The following DYNC2H1 variants were observed in gnomAD, a reference collection of about 807,000 sequenced individuals.
DYNC2H1 encodes the protein dynein cytoplasmic 2 heavy chain 1.
A neutral mutation model predicts 570.0 loss-of-function variants in DYNC2H1; 410 were observed. The ratio of observed to expected loss-of-function variants is 0.72; its 90% CI spans 0.66 to 0.78. The LOEUF (loss-of-function observed/expected upper bound fraction) is 0.78. DYNC2H1 is among the 30% of genes least tolerant of loss of function. DYNC2H1 has a pLI of 0.00. For missense variants in DYNC2H1, 4,865 were observed against 5,046.4 expected (o/e 0.96, Z 1.09); for synonymous variants, 1,688 against 1,677.6 (o/e 1.01, Z -0.15).
chr11:103,125,027 A>T (rs1015879637), intron 11 of DYNC2H1, 73 bp from the exon 12 acceptor site: 2 of 1,209,218 alleles, frequency 1.7e-6, no homozygotes, highest in African/African-American at 1.6e-5. Context: ...GAAAAGTTGT[A>T]AAAACCTATT....
In DYNC2H1 at chr11:103,181,681, T is replaced by C. The variant is rs1405463058; in HGVS notation, c.6348-76T>C. The C allele has an allele frequency of 7.7e-6, 11 of 1,429,126 alleles. No homozygotes were observed. Among genetic ancestry groups the C allele is most frequent in the Non-Finnish European group, 1.0e-5 (11 of 1,061,454 alleles). The allele number at this position is 1,429,126 out of a possible 1,614,324, so 88.5% of individuals were successfully genotyped here. Reference sequence around the variant, plus strand: ...AAATATGTGCGTAGAATAATGTTTATTGGAGAAGAAATTTATTTTAATGTA... The same window carrying C: ...AAATATGTGCGTAGAATAATGTTTACTGGAGAAGAAATTTATTTTAATGTA... On this transcript the variant is annotated intron_variant, in intron 39 of 88. Transcript: ENST00000375735. The surrounding 1 kb of genome is among the most constrained non-coding windows in gnomAD (Gnocchi z 5.0).
chr11:103,247,223 T>C (rs1345343158), intron 65 of DYNC2H1, among the ~76,000 whole-genome samples: 1 of 152,076 alleles, frequency 6.6e-6, no homozygotes, highest in Non-Finnish European at 1.5e-5. Flanking sequence ...TTATGGTTGT[T>C]TTATTTCCAT....
chr11:103,169,765 A>G (rs1312828209), intron 32 of DYNC2H1, among the ~76,000 whole-genome samples: 3 of 152,212 alleles, frequency 2.0e-5, no homozygotes, highest in African/African-American at 4.8e-5. Context: ...AATAGTTTAT[A>G]TAAATTTTAA....
rs1864761160 is a variant in DYNC2H1, at chr11:103,249,825, A to G, written c.10043-3460A>G. On this transcript the variant is annotated intron_variant, in intron 65 of 88. Coordinates refer to ENST00000375735, the MANE Select transcript of DYNC2H1 (RefSeq NM_001377.3). This position sits in a 1 kb window ranked among gnomAD's most constrained non-coding sequence, Gnocchi z 4.6. ...ATGAGTGACTCCTGCTTCTTTACCA[A>G]TGATAGTTTAGTCCCACTCCATTTC... 6.6e-6 allele frequency among the ~76,000 whole-genome samples: 1 copy of G among 152,080 alleles called. No homozygotes were observed. The highest frequency in any genetic ancestry group is 1.5e-5 in the Non-Finnish European group (1 of 67,992).
chr11:103,302,132 A>G (rs1867073552), intron 75 of DYNC2H1, among the ~76,000 whole-genome samples: 1 of 152,048 alleles, frequency 6.6e-6, no homozygotes, highest in Non-Finnish European at 1.5e-5. Flanking sequence ...AGGACTTTAT[A>G]GTTTGTGAAG....
At chr11:103,140,863 T>A (rs1429327551) in intron 17 of DYNC2H1, among the ~76,000 whole-genome samples, 2 of 152,236 alleles carry the variant, frequency 1.3e-5, no homozygotes, top group African/African-American at 4.8e-5. Flanking sequence ...AGATTTGGTC[T>A]TTTCACATAG....
intron 83 of DYNC2H1, among the ~76,000 whole-genome samples, chr11:103,399,147 TTG>T (rs1267321210): frequency 0.02 from 2,838 of 141,090 alleles, 387 homozygotes; most frequent in African/African-American, 0.078. Flanking sequence ...CGTTTTTTTT[TTG>T]TTTTTTTTTT....
At chr11:103,466,179 A>G (rs1313270592) in intron 87 of DYNC2H1, among the ~76,000 whole-genome samples, 1 of 152,188 alleles carries the variant, frequency 6.6e-6, no homozygotes, top group Non-Finnish European at 1.5e-5. Context: ...GTTGGTTACA[A>G]ATTAGGGGCT....
chr11:103,471,319 A>T (rs1945378990), intron 88 of DYNC2H1, among the ~76,000 whole-genome samples: 1 of 152,180 alleles, frequency 6.6e-6, no homozygotes, highest in African/African-American at 2.4e-5. Flanking sequence ...TACTTTCAGA[A>T]TGTCTGTCCC....
intron 13 of DYNC2H1, among the ~76,000 whole-genome samples, chr11:103,131,454 A>AT (rs1381149545): frequency 6.6e-6 from 1 of 151,890 alleles, no homozygotes; most frequent in Non-Finnish European, 1.5e-5. Context: ...TGCCCAGCTA[A>AT]TTTTTTTGTA....
chr11:103,254,167 A>C lies in DYNC2H1; in HGVS notation c.10206+719A>C, dbSNP rs1204153196. 6.6e-6 allele frequency among the ~76,000 whole-genome samples: 1 copy of C among 152,178 alleles called. No homozygotes were observed. The highest frequency in any genetic ancestry group is 6.5e-5 in the Admixed American group (1 of 15,268). ...TATTTCTTTGTATACCATATGACTC[A>C]TCAAGTATATTTTAATGAACAATAT... On this transcript the variant is annotated intron_variant, in intron 66 of 88. Transcript: ENST00000375735. This position sits in a 1 kb window ranked among gnomAD's most constrained non-coding sequence, Gnocchi z 4.9.
At chr11:103,229,812 C>T (rs560329952) in intron 59 of DYNC2H1, among the ~76,000 whole-genome samples, 2 of 152,226 alleles carry the variant, frequency 1.3e-5, no homozygotes, top group East Asian at 3.9e-4. Context: ...TTGAGATTTG[C>T]ATGTCTAAAA....
Position 103,264,757 on chromosome 11 carries a change from G to A in DYNC2H1, c.10695+4780G>A, listed in dbSNP as rs1406469395. ...TCATACCGAATGTGAATCAATATCAGTATCATACTGAATGGGCAAAAGCTG... is the reference window on the plus strand; with the variant it reads ...TCATACCGAATGTGAATCAATATCAATATCATACTGAATGGGCAAAAGCTG... On this transcript the variant is annotated intron_variant, in intron 70 of 88. Transcript: ENST00000375735. This position sits in a 1 kb window ranked among gnomAD's most constrained non-coding sequence, Gnocchi z 4.8. 2.6e-5 allele frequency among the ~76,000 whole-genome samples: 4 copies of A among 152,120 alleles called. No homozygotes were observed. The highest frequency in any genetic ancestry group is 9.7e-5 in the African/African-American group (4 of 41,428).
chr11:103,175,125 T>G (rs1184839368), intron 36 of DYNC2H1, among the ~76,000 whole-genome samples: 1 of 152,194 alleles, frequency 6.6e-6, no homozygotes, highest in Non-Finnish European at 1.5e-5. Context: ...AAATAATGAT[T>G]TCCCCCACCT....
At chr11:103,197,431 G>A (rs1862545015) in intron 47 of DYNC2H1, among the ~76,000 whole-genome samples, 1 of 151,830 alleles carries the variant, frequency 6.6e-6, no homozygotes, top group African/African-American at 2.4e-5. Flanking sequence ...TGCAATTGAA[G>A]GTCTTTGTAT....
chr11:103,421,360 A>G (rs1446604384), intron 84 of DYNC2H1, among the ~76,000 whole-genome samples: 1 of 152,158 alleles, frequency 6.6e-6, no homozygotes, highest in Non-Finnish European at 1.5e-5. Flanking sequence ...GATGTGATAG[A>G]TATCTATACG....
chr11:103,117,614 G>A lies in DYNC2H1; in HGVS notation c.767-17G>A. The A allele has an allele frequency of 6.5e-7, 1 of 1,548,896 alleles. No homozygotes were observed. Among genetic ancestry groups the A allele is most frequent in the Non-Finnish European group, 8.7e-7 (1 of 1,144,482 alleles). Reference sequence around the variant, plus strand: ...TACATTTATTTCCCTTAAACTCTTTGCTTTATGTTTTATTAGGTGGTTCAT... The same window carrying A: ...TACATTTATTTCCCTTAAACTCTTTACTTTATGTTTTATTAGGTGGTTCAT... On this transcript the variant is annotated splice_polypyrimidine_tract_variant and intron_variant, in intron 5 of 88. Coordinates refer to ENST00000375735, the MANE Select transcript of DYNC2H1 (RefSeq NM_001377.3).
chr11:103,161,113 A>G (rs958063600), intron 29 of DYNC2H1, 69 bp downstream of exon 29: 2 of 846,226 alleles, frequency 2.4e-6, no homozygotes. Flanking sequence ...GTCTAAAATA[A>G]TTTAGTCAAT....
At chr11:103,292,228 T>C (rs998448515) in intron 75 of DYNC2H1, among the ~76,000 whole-genome samples, 4 of 152,068 alleles carry the variant, frequency 2.6e-5, no homozygotes, top group Non-Finnish European at 4.4e-5. Flanking sequence ...TATTTTAACT[T>C]CTTGCTTTTT....
Sources: gnomAD v4.1 joint callset for allele counts (sites outside exome capture counted in the v4.1 genomes callset) on GRCh38, gnomAD v4.1.1 for gene constraint, Gnocchi (gnomAD v3.1) non-coding constraint, MANE v1.5 for transcripts, NCBI Gene and HGNC (gene_info 2026-07-23, HGNC 2026-07-21) for gene names.